Variants in FREM2 observed in about 807,000 individuals in gnomAD.
The protein encoded by FREM2 is FRAS1-related extracellular matrix protein 2.
In FREM2, 119 loss-of-function variants were observed where a neutral mutation model predicts 219.9. The observed-to-expected ratio is 0.54, with a 90% CI of 0.47 to 0.63. FREM2 has a LOEUF of 0.63. Ranked by LOEUF, FREM2 falls within the 30% of genes least tolerant of loss-of-function variation. The pLI is 0.00. For missense variants in FREM2, 4,030 were observed against 3,993.6 expected (o/e 1.01, Z -0.25); for synonymous variants, 1,562 against 1,522.8 (o/e 1.03, Z -0.60).
chr13:38,764,197 T>C (rs1873345113), intron 2 of FREM2, 107 bp from the exon 3 acceptor site: 2 of 793,798 alleles, frequency 2.5e-6, no homozygotes, highest in Admixed American at 3.8e-5. Flanking sequence ...TCAAACTAAG[T>C]AGCTGTATTG....
intron 2 of FREM2, among the ~76,000 whole-genome samples, chr13:38,739,256 A>G (rs886399644): frequency 4.6e-5 from 7 of 152,240 alleles, no homozygotes. Flanking sequence ...TTGGAAAAAG[A>G]TAAAGGAAGA....
At chr13:38,724,034 G>A (rs1871409350) in intron 2 of FREM2, among the ~76,000 whole-genome samples, 1 of 152,148 alleles carries the variant, frequency 6.6e-6, no homozygotes, top group African/African-American at 2.4e-5. Context: ...AAATGTTCTG[G>A]AGTTAGACTT....
chr13:38,794,656 G>GT (rs995789153), intron 6 of FREM2, among the ~76,000 whole-genome samples: 21 of 149,748 alleles, frequency 1.4e-4, no homozygotes, highest in Admixed American at 3.3e-4. Context: ...TGTATTCTTC[G>GT]TTTTTTTTTA....
In FREM2 at chr13:38,850,205, A is replaced by G. The variant is rs762786368; in HGVS notation, c.6547A>G (p.Thr2183Ala). The G allele has an allele frequency of 1.3e-5, 21 of 1,613,772 alleles. No individual in the cohort carries two copies. In the Admixed American group the frequency reaches 3.3e-4, roughly 26 times the overall value. ...VMMDFEERPNTDTSIITFLPG... is the reference protein window; with the variant it reads ...VMMDFEERPNADTSIITFLPG... ...GATGGACTTTGAAGAACGCCCAAAC[A>G]CTGATACCTCCATCATCACATTCCT... Residue 2183 changes from threonine (T) to alanine (A), a missense_variant, in exon 9 of 24, where the codon ACT (threonine) becomes GCT (alanine). Around this residue, in one of 2 missense-constraint regions of FREM2, gnomAD observed 3,102 missense variants for 2,950.7 expected, o/e 1.05. Transcript: ENST00000280481.
Position 38,691,015 on chromosome 13 carries a change from A to G in FREM2, c.3671A>G (p.Asp1224Gly). 3 of 1,614,160 alleles carry G rather than the reference A, an allele frequency of 1.9e-6. No individual in the cohort carries two copies. Among genetic ancestry groups the G allele is most frequent in the Non-Finnish European group, 2.5e-6 (3 of 1,180,014 alleles). ...NAADADVPLD[D>G]LTFTITQFPT... ...GCTGATGCTGATGTTCCCCTGGATG[A>G]TTTAACTTTCACTATTACCCAATTC... The change falls in exon 1 of 24, where the codon GAT (aspartate) becomes GGT (glycine). Residue 1224 changes from aspartate to glycine, a missense_variant. Asp to Gly is a moderately conservative substitution (Grantham distance 94, BLOSUM62 -1). Around this residue, in one of 2 missense-constraint regions of FREM2, gnomAD observed 3,102 missense variants for 2,950.7 expected, o/e 1.05. Coordinates refer to ENST00000280481, the MANE Select transcript of FREM2 (RefSeq NM_207361.6).
At chr13:38,763,464 C>CTTTTTTTTTTTTTTTTTTTTTTTTT (rs1163604743) in intron 2 of FREM2, among the ~76,000 whole-genome samples, 1 of 102,364 alleles carries the variant, frequency 9.8e-6, no homozygotes, top group African/African-American at 3.6e-5. Context: ...GTTACTTGGG[C>CTTTTTTTTTTTTTTTTTTTTTTTTT]TTTTTTTTTT....
chr13:38,738,480 C>T lies in FREM2; in HGVS notation c.5264-25824C>T, dbSNP rs544628088. 3.5e-5 allele frequency among the ~76,000 whole-genome samples: 5 copies of T among 142,310 alleles called. No homozygotes were observed. The South Asian group carries it at 9.2e-4, about 26-fold the overall frequency. The allele number at this position is 142,310 out of a possible 152,430, so 93.4% of individuals were successfully genotyped here. On this transcript the variant is annotated intron_variant, in intron 2 of 23. Transcript: ENST00000280481. Reference sequence around the variant, plus strand: ...ACTTGGGAGGCTGAGGCAGGAGAATCGCATGAACCTGGCAGGTGGAGGTTG... The same window carrying T: ...ACTTGGGAGGCTGAGGCAGGAGAATTGCATGAACCTGGCAGGTGGAGGTTG...
intron 21 of FREM2, among the ~76,000 whole-genome samples, chr13:38,877,598 G>A (rs530648255): frequency 7.2e-5 from 11 of 152,094 alleles, no homozygotes; most frequent in African/African-American, 2.4e-4. Context: ...CTTACTCAAT[G>A]GTGTATATTC....
At chr13:38,818,138 A>C (rs1875843282) in intron 6 of FREM2, among the ~76,000 whole-genome samples, 1 of 152,138 alleles carries the variant, frequency 6.6e-6, no homozygotes, top group African/African-American at 2.4e-5. Flanking sequence ...TCCTCAATTA[A>C]CTAGAAATAG....
At chr13:38,731,846 A>G (rs1261080046) in intron 2 of FREM2, among the ~76,000 whole-genome samples, 1 of 152,212 alleles carries the variant, frequency 6.6e-6, no homozygotes, top group East Asian at 1.9e-4. Context: ...TCATGTTTGT[A>G]AAATAGTTAT....
intron 1 of FREM2, among the ~76,000 whole-genome samples, chr13:38,695,264 A>G (rs1449210948): frequency 6.6e-6 from 1 of 152,052 alleles, no homozygotes; most frequent in African/African-American, 2.4e-5. Flanking sequence ...GAAAGTCTTT[A>G]CTTACTTTTT....
At chr13:38,762,795 A>C (rs560150976) in intron 2 of FREM2, among the ~76,000 whole-genome samples, 66 of 152,296 alleles carry the variant, frequency 4.3e-4, no homozygotes, top group African/African-American at 1.5e-3. Flanking sequence ...CCATAATCCC[A>C]TCATTTAAAA....
At chr13:38,801,356 C>G (rs1874999825) in intron 6 of FREM2, among the ~76,000 whole-genome samples, 3 of 152,062 alleles carry the variant, frequency 2.0e-5, no homozygotes, top group Admixed American at 2.0e-4. Context: ...TGATAGAGGT[C>G]TGTTGTTGGA....
At chr13:38,755,534 C>G (rs1872961220) in intron 2 of FREM2, among the ~76,000 whole-genome samples, 1 of 152,088 alleles carries the variant, frequency 6.6e-6, no homozygotes, top group Non-Finnish European at 1.5e-5. Context: ...ATCCAGGAGC[C>G]TGGGCAAGAA....
At chr13:38,763,464 C>CTTTTTT (rs1163604743) in intron 2 of FREM2, among the ~76,000 whole-genome samples, 1 of 102,364 alleles carries the variant, frequency 9.8e-6, no homozygotes, top group African/African-American at 3.6e-5. Flanking sequence ...GTTACTTGGG[C>CTTTTTT]TTTTTTTTTT....
chr13:38,836,677 G>C (rs1292011102), intron 6 of FREM2, among the ~76,000 whole-genome samples: 1 of 152,116 alleles, frequency 6.6e-6, no homozygotes, highest in Admixed American at 6.6e-5. Context: ...TCTTGGAAGG[G>C]TGTATGTGTC....
chr13:38,743,094 A>G (rs1175275975), intron 2 of FREM2, among the ~76,000 whole-genome samples: 3 of 152,162 alleles, frequency 2.0e-5, no homozygotes, highest in Non-Finnish European at 2.9e-5. Flanking sequence ...AACTAAATCC[A>G]TGCTCCAGCT....
chr13:38,846,560 C>G lies in FREM2; in HGVS notation c.6020-13C>G. ...AAAAATAACAGAAATGATTTCTGTT[C>G]CTTTCTTAACAGAACCCATCTTTTA... On this transcript the variant is annotated splice_polypyrimidine_tract_variant and intron_variant, in intron 6 of 23. Coordinates refer to ENST00000280481, the MANE Select transcript of FREM2 (RefSeq NM_207361.6). The G allele has an allele frequency of 6.2e-7, 1 of 1,611,956 alleles. No individual in the cohort carries two copies. Among genetic ancestry groups the G allele is most frequent in the Non-Finnish European group, 8.5e-7 (1 of 1,178,516 alleles).
chr13:38,719,115 G>A (rs1290388661), intron 2 of FREM2, among the ~76,000 whole-genome samples: 3 of 152,202 alleles, frequency 2.0e-5, no homozygotes, highest in African/African-American at 7.2e-5. Context: ...TCATCTGGAA[G>A]CCGAAGAGGA....
Sources: allele counts gnomAD v4.1 joint callset (sites outside exome capture counted in the v4.1 genomes callset), GRCh38; gene constraint gnomAD v4.1.1; regional missense constraint gnomAD v4.1.1; transcripts MANE v1.5; gene names NCBI Gene and HGNC (gene_info 2026-07-23, HGNC 2026-07-21).